The following CAMK1D variants were observed in gnomAD, a reference collection of about 807,000 sequenced individuals.
CAMK1D encodes the protein calcium/calmodulin-dependent protein kinase type 1D.
A neutral mutation model predicts 47.7 loss-of-function variants in CAMK1D; 9 were observed. The observed-to-expected ratio is 0.19, with a 90% CI of 0.11 to 0.33. The LOEUF (loss-of-function observed/expected upper bound fraction) is 0.33. Among genes scored for constraint, CAMK1D ranks in the 10% least tolerant of loss-of-function variants. The probability of loss-of-function intolerance (pLI) is 1.00; values close to 1 mark genes in which losing one functional copy is unlikely to be tolerated. For missense variants in CAMK1D, 291 were observed against 488.7 expected (o/e 0.60, Z 3.81); for synonymous variants, 184 against 184.9 (o/e 0.99, Z 0.04).
At chr10:12,477,338 C>T (rs1057192010) in intron 1 of CAMK1D, among the ~76,000 whole-genome samples, 3 of 152,158 alleles carry the variant, frequency 2.0e-5, no homozygotes, top group Non-Finnish European at 4.4e-5. Context: ...ATGCTTGAAC[C>T]TGGGAGGCGG....
chr10:12,732,269 G>A (rs1018638938), intron 3 of CAMK1D, among the ~76,000 whole-genome samples: 6 of 152,052 alleles, frequency 3.9e-5, no homozygotes, highest in South Asian at 2.1e-4. Context: ...ACAAATACCT[G>A]AGAGGCTCAG....
At chr10:12,489,424 A>G (rs530532073) in intron 1 of CAMK1D, among the ~76,000 whole-genome samples, 1 of 152,344 alleles carries the variant, frequency 6.6e-6, no homozygotes, top group South Asian at 2.1e-4. Context: ...GGAGAGTTGA[A>G]GAAAAATAAA....
intron 2 of CAMK1D, among the ~76,000 whole-genome samples, chr10:12,570,400 T>G (rs1475497166): frequency 1.1e-4 from 17 of 151,632 alleles, no homozygotes; most frequent in Non-Finnish European, 2.5e-4. Context: ...TATGAGGGGC[T>G]GGGCGCAGTG....
rs191234299 is a variant in CAMK1D, at chr10:12,672,482, C to T, written c.299+5672C>T. On this transcript the variant is annotated intron_variant, in intron 3 of 10. Transcript: ENST00000619168. Reference sequence around the variant, plus strand: ...CTCCCGGGTTCAAGTGAGTCTCCTGCCTCAGCTTCCCAAGTAGCTGGGATT... The same window carrying T: ...CTCCCGGGTTCAAGTGAGTCTCCTGTCTCAGCTTCCCAAGTAGCTGGGATT... Among the ~76,000 whole-genome samples, 389 of 152,114 alleles carry T rather than the reference C, an allele frequency of 2.6e-3. 3 individuals are homozygous for T. Among genetic ancestry groups the T allele is most frequent in the Admixed American group, 5.5e-3 (84 of 15,282 alleles).
intron 1 of CAMK1D, among the ~76,000 whole-genome samples, chr10:12,535,080 A>G (rs567138194): frequency 1.3e-5 from 2 of 152,314 alleles, no homozygotes; most frequent in East Asian, 3.9e-4. Context: ...TTAGCTGGAA[A>G]GATGTTAAGA....
chr10:12,369,001 G>A (rs958746049), intron 1 of CAMK1D, among the ~76,000 whole-genome samples: 1 of 151,966 alleles, frequency 6.6e-6, no homozygotes, highest in African/African-American at 2.4e-5. Flanking sequence ...GTATTTTATA[G>A]AGATGGGTTT....
intron 1 of CAMK1D, among the ~76,000 whole-genome samples, chr10:12,408,169 CTTT>C (rs930764052): frequency 1.5e-5 from 2 of 136,482 alleles, no homozygotes; most frequent in Non-Finnish European, 3.2e-5. Context: ...CTTTCATTTT[CTTT>C]TTTTTTTGAG....
intron 1 of CAMK1D, among the ~76,000 whole-genome samples, chr10:12,495,781 A>C (rs1314955842): frequency 6.6e-6 from 1 of 152,168 alleles, no homozygotes; most frequent in Non-Finnish European, 1.5e-5. Context: ...ATACATATTC[A>C]CCTACTATTG....
intron 1 of CAMK1D, among the ~76,000 whole-genome samples, chr10:12,460,060 T>C (rs892835917): frequency 3.3e-5 from 5 of 152,170 alleles, no homozygotes; most frequent in Admixed American, 3.3e-4. Flanking sequence ...GATCTAGTTA[T>C]GAAAACACCA....
In CAMK1D at chr10:12,363,627, A is replaced by G. The variant is rs1007235050; in HGVS notation, c.92+13717A>G. Among the ~76,000 whole-genome samples, 8 of 148,018 alleles carry G rather than the reference A, an allele frequency of 5.4e-5. No individual in the cohort carries two copies. The South Asian group carries it at 1.3e-3, about 24-fold the overall frequency. Reference sequence around the variant, plus strand: ...TTAGAGGATACTGACAAAAAAGGCTATATATGTTCAGTTCAGACACAGTTT... The same window carrying G: ...TTAGAGGATACTGACAAAAAAGGCTGTATATGTTCAGTTCAGACACAGTTT... On this transcript the variant is annotated intron_variant, in intron 1 of 10. Coordinates refer to ENST00000619168, the MANE Select transcript of CAMK1D (RefSeq NM_153498.4).
chr10:12,531,263 T>C (rs1292485139), intron 1 of CAMK1D, among the ~76,000 whole-genome samples: 1 of 152,210 alleles, frequency 6.6e-6, no homozygotes, highest in Non-Finnish European at 1.5e-5. Flanking sequence ...GATAACTTGT[T>C]TGTCTTCAGA....
chr10:12,755,075 C>G (rs1198333704), intron 3 of CAMK1D, among the ~76,000 whole-genome samples: 1 of 152,120 alleles, frequency 6.6e-6, no homozygotes, highest in Non-Finnish European at 1.5e-5. Flanking sequence ...TTGGAAATTT[C>G]TGAACAGATT....
At chr10:12,448,633 A>G (rs1440261966) in intron 1 of CAMK1D, among the ~76,000 whole-genome samples, 1 of 152,220 alleles carries the variant, frequency 6.6e-6, no homozygotes, top group Admixed American at 6.5e-5. Context: ...ATTTTTGTTG[A>G]GAAAAACAAA....
chr10:12,499,249 C>T (rs1834630493), intron 1 of CAMK1D, among the ~76,000 whole-genome samples: 1 of 151,976 alleles, frequency 6.6e-6, no homozygotes, highest in Non-Finnish European at 1.5e-5. Context: ...AGAGGCTGAA[C>T]TGATGAGGTC....
intron 3 of CAMK1D, among the ~76,000 whole-genome samples, chr10:12,714,922 C>A (rs1834070499): frequency 6.6e-6 from 1 of 152,040 alleles, no homozygotes. Context: ...GATCAAGTAT[C>A]ATTACTTCGA....
Position 12,666,705 on chromosome 10 carries a change from C to T in CAMK1D, c.225-31C>T, listed in dbSNP as rs112281636. ...AAACATTTTCCTATCTAATCATACT[C>T]ACTATTTTGTGCGTCTATTTTTTTT... On this transcript the variant is annotated intron_variant, in intron 2 of 10. Transcript: ENST00000619168. The T allele has an allele frequency of 2.5e-3, 3,802 of 1,540,400 alleles. 19 individuals are homozygous for T. In the Middle Eastern group the frequency reaches 0.027, roughly 11 times the overall value.
At chr10:12,654,969 T>C (rs1840078891) in intron 2 of CAMK1D, among the ~76,000 whole-genome samples, 1 of 152,132 alleles carries the variant, frequency 6.6e-6, no homozygotes, top group African/African-American at 2.4e-5. Context: ...AATCATAATC[T>C]CCAAAAATGT....
chr10:12,357,224 C>T (rs375798752), intron 1 of CAMK1D, among the ~76,000 whole-genome samples: 6 of 151,918 alleles, frequency 3.9e-5, no homozygotes, highest in Admixed American at 3.3e-4. Flanking sequence ...CAGGCTGGAG[C>T]GCAGTGGTCC....
chr10:12,380,678 A>C (rs760060703), intron 1 of CAMK1D, among the ~76,000 whole-genome samples: 18 of 152,258 alleles, frequency 1.2e-4, no homozygotes, highest in East Asian at 1.2e-3. Flanking sequence ...AACACGGTGA[A>C]ACCCCATCTC....
Sources: allele counts gnomAD v4.1 joint callset (sites outside exome capture counted in the v4.1 genomes callset), GRCh38; gene constraint gnomAD v4.1.1; transcripts MANE v1.5; gene names NCBI Gene and HGNC (gene_info 2026-07-23, HGNC 2026-07-21).